ALDH1L1: variants seen among roughly 807,000 people sequenced by gnomAD.
The protein encoded by ALDH1L1 is aldehyde dehydrogenase 1 family member L1.
Under a neutral mutation model 101.1 loss-of-function variants are expected in ALDH1L1, and 68 were observed. The observed-to-expected ratio is 0.67, with a 90% confidence interval of 0.55 to 0.82. ALDH1L1 has a LOEUF of 0.82. Among genes scored for constraint, ALDH1L1 ranks in the 40% least tolerant of loss-of-function variants. The pLI is 0.00. For missense variants in ALDH1L1, 1,087 were observed against 1,172.7 expected, an observed-to-expected ratio of 0.93 and a Z score of 1.07; for synonymous variants, 486 against 470.8, an observed-to-expected ratio of 1.03 and a Z score of -0.42.
chr3:126,114,916 C>T (rs2079928330), intron 17 of ALDH1L1: 3 of 547,182 alleles, frequency 5.5e-6, no homozygotes, highest in Middle Eastern at 2.8e-4. Context: ...ACCTCATTTC[C>T]TGCAGGCCTG....
Position 126,135,645 on chromosome 3 carries a change from G to A in ALDH1L1, c.1362C>T (p.Ser454=). ...PTDGSVICQV[S]LAQVTDVDKA... is the part of the protein sequence containing the mutation. ...TGTCGACGTCGGTGACTTGGGCCAG[G>A]GATACCTGGCAGATGACCTATAGTG... Residue 454 remains serine (S), a synonymous_variant, in exon 12 of 23, where the codon TCC becomes TCT. Coordinates refer to ENST00000393434, the MANE Select transcript of ALDH1L1 (RefSeq NM_012190.4). 6.4e-7 allele frequency: 1 copy of A among 1,570,108 alleles called. No homozygotes were observed. The highest frequency in any genetic ancestry group is 8.6e-7 in the Non-Finnish European group (1 of 1,157,182).
chr3:126,192,783 A>G (rs2081560123), intron 1 of ALDH1L1, among the ~76,000 whole-genome samples: 1 of 152,244 alleles, frequency 6.6e-6, no homozygotes, highest in Non-Finnish European at 1.5e-5. Context: ...TGTTAAAAGA[A>G]AAACTTCAGC....
chr3:126,191,933 A>G (rs1306418529), intron 1 of ALDH1L1, among the ~76,000 whole-genome samples: 1 of 152,194 alleles, frequency 6.6e-6, no homozygotes, highest in Non-Finnish European at 1.5e-5. Context: ...GTCCTGGTGT[A>G]ATGCCTGGGA....
intron 1 of ALDH1L1, among the ~76,000 whole-genome samples, chr3:126,189,519 G>T (rs764653453): frequency 6.6e-6 from 1 of 152,226 alleles, no homozygotes; most frequent in Non-Finnish European, 1.5e-5. Context: ...CCAAAGCTTG[G>T]CTGCAGTGTG....
chr3:126,128,053 G>T (rs552635979), intron 14 of ALDH1L1, among the ~76,000 whole-genome samples: 8 of 152,136 alleles, frequency 5.3e-5, no homozygotes, highest in Non-Finnish European at 1.2e-4. Flanking sequence ...TGGGATCCGT[G>T]AGGCCAGCAC....
At chr3:126,109,395 C>G (rs975714711) in intron 20 of ALDH1L1, among the ~76,000 whole-genome samples, 2 of 152,116 alleles carry the variant, frequency 1.3e-5, no homozygotes, top group Non-Finnish European at 2.9e-5. Flanking sequence ...GTTTGAAGGG[C>G]CTGGGGGACA....
In ALDH1L1 at chr3:126,160,875, C is replaced by A; in HGVS notation, c.105G>T (p.Lys35Asn). 6.2e-7 allele frequency: 1 copy of A among 1,614,150 alleles called. No homozygotes were observed. Among genetic ancestry groups the A allele is most frequent in the Non-Finnish European group, 8.5e-7 (1 of 1,179,970 alleles). The change falls in exon 2 of 23, where the codon AAG (lysine) becomes AAT (asparagine). Residue 35 changes from lysine to asparagine, a missense_variant. Physicochemically the swap from Lys to Asn is moderately conservative, Grantham distance 94 (BLOSUM62 0). Around this residue, in one of 2 missense-constraint regions of ALDH1L1, gnomAD observed 645 missense variants for 637.0 expected, o/e 1.01. Transcript: ENST00000393434. ...CACCCAGGGGGTCGGCCTTTCCATC[C>A]TTGTCTGGAACAGTGAACACACCCA... ...EVVGVFTVPD[K>N]DGKADPLGLE...
chr3:126,180,763 G>A, upstream of ALDH1L1: 1 of 1,452,736 alleles, frequency 6.9e-7, no homozygotes, highest in Non-Finnish European at 9.0e-7. Context: ...CCCCGCAGGG[G>A]CCTGCGCTCT....
chr3:126,189,727 T>C (rs961076405), intron 1 of ALDH1L1, among the ~76,000 whole-genome samples: 1 of 152,224 alleles, frequency 6.6e-6, no homozygotes, highest in African/African-American at 2.4e-5. Context: ...TTACATTATT[T>C]AGTTATATCA....
At chr3:126,154,973 G>A (rs1020667778) in intron 5 of ALDH1L1, among the ~76,000 whole-genome samples, 3 of 152,158 alleles carry the variant, frequency 2.0e-5, no homozygotes, top group Non-Finnish European at 4.4e-5. Context: ...GCCCCTGTGG[G>A]TCCCCACACA....
chr3:126,167,119 C>G (rs991916452), intron 1 of ALDH1L1, among the ~76,000 whole-genome samples: 5 of 152,006 alleles, frequency 3.3e-5, no homozygotes, highest in Admixed American at 3.3e-4. Flanking sequence ...ACTATATAAG[C>G]CTATAAAATA....
At chr3:126,174,351 C>A (rs965159517) in intron 1 of ALDH1L1, among the ~76,000 whole-genome samples, 1 of 152,196 alleles carries the variant, frequency 6.6e-6, no homozygotes, top group Non-Finnish European at 1.5e-5. Flanking sequence ...ACTGATAGAT[C>A]CAGCAGGCTG....
chr3:126,135,242 G>A (rs76379019), intron 12 of ALDH1L1: 7,493 of 280,022 alleles, frequency 0.027, 544 homozygotes, highest in African/African-American at 0.16. Flanking sequence ...CCCAGCCTGC[G>A]CCCACTTTGG....
chr3:126,150,472 A>G lies in ALDH1L1; in HGVS notation c.918T>C (p.Phe306=). 15 of 1,551,570 alleles carry G rather than the reference A, an allele frequency of 9.7e-6. No individual in the cohort carries two copies. The highest frequency in any genetic ancestry group is 1.3e-5 in the Non-Finnish European group (15 of 1,146,940). The change falls in exon 8 of 23, where the codon TTT becomes TTC. Residue 306 remains phenylalanine (F), a synonymous_variant. Coordinates refer to ENST00000393434, the MANE Select transcript of ALDH1L1 (RefSeq NM_012190.4). ...DGKMILASNF[F]KGAASSVLEL... is the part of the protein sequence containing the mutation. Reference sequence around the variant, plus strand: ...CAAGGACACTGCTGGCTGCCCCCTTAAAGAAGTTCGAGGCCAGGATCATTT... The same window carrying G: ...CAAGGACACTGCTGGCTGCCCCCTTGAAGAAGTTCGAGGCCAGGATCATTT...
At chr3:126,197,102 T>TTTTG (rs1183593053) in intron 1 of ALDH1L1, among the ~76,000 whole-genome samples, 6 of 152,188 alleles carry the variant, frequency 3.9e-5, no homozygotes, top group South Asian at 2.1e-4. Flanking sequence ...CTAATCCAGT[T>TTTTG]TTTGTTTGTT....
chr3:126,158,304 TC>T (rs1164608327), intron 3 of ALDH1L1, 100 bp downstream of exon 3: 152 of 1,194,846 alleles, frequency 1.3e-4, no homozygotes, highest in Non-Finnish European at 1.7e-4. Flanking sequence ...CGATGCCCAC[TC>T]TGCAGCCCTA....
chr3:126,161,799 T>A (rs1444998576), intron 1 of ALDH1L1, among the ~76,000 whole-genome samples: 3 of 152,178 alleles, frequency 2.0e-5, no homozygotes, highest in African/African-American at 7.2e-5. Flanking sequence ...TGTAGCTCAA[T>A]GAATTTCACA....
At chr3:126,105,455 G>A in intron 22 of ALDH1L1, 1 of 479,472 alleles carries the variant, frequency 2.1e-6, no homozygotes, top group South Asian at 2.0e-5. Context: ...TAGCACAGGT[G>A]CCACCACACC....
rs760361391 is a variant in ALDH1L1 at position 126,160,863 on chromosome 3, G to A, written c.117C>T (p.Ala39=). 5 of 1,614,030 alleles carry A rather than the reference G, an allele frequency of 3.1e-6. No individual in the cohort carries two copies. The highest frequency in any genetic ancestry group is 4.5e-5 in the East Asian group (2 of 44,884). ...CATTGGCTCACTCACCCAGGGGGTC[G>A]GCCTTTCCATCCTTGTCTGGAACAG... The part of the protein sequence containing the change: ...VFTVPDKDGK[A]DPLGLEAEKD... The change falls in exon 2 of 23, where the codon GCC becomes GCT. Residue 39 remains alanine, a synonymous_variant. Transcript: ENST00000393434.
Sources: allele counts gnomAD v4.1 joint callset (sites outside exome capture counted in the v4.1 genomes callset), GRCh38; gene constraint gnomAD v4.1.1; regional missense constraint gnomAD v4.1.1; transcripts MANE v1.5; gene names NCBI Gene and HGNC (gene_info 2026-07-23, HGNC 2026-07-21).